RPP30: variants seen among roughly 807,000 people sequenced by gnomAD.
RPP30 encodes ribonuclease P/MRP subunit p30.
A neutral mutation model predicts 38.6 loss-of-function variants in RPP30; 36 were observed. The ratio of observed to expected loss-of-function variants is 0.93; its 90% CI spans 0.71 to 1.23. RPP30 has a LOEUF of 1.23. Ranked by LOEUF, RPP30 falls within the 50% of genes most tolerant of loss-of-function variation. The pLI is 0.00. For synonymous variants in RPP30, 126 were observed against 112.7 expected, an observed-to-expected ratio of 1.12 and a Z score of -0.75; for missense variants, 321 against 321.7, an observed-to-expected ratio of 1.00 and a Z score of 0.02.
intron 6 of RPP30, among the ~76,000 whole-genome samples, chr10:90,889,835 A>G (rs949939623): frequency 2.6e-5 from 4 of 152,076 alleles, no homozygotes; most frequent in South Asian, 2.1e-4. Flanking sequence ...CATAATTTCA[A>G]TTATGCAATT....
At chr10:90,873,467 C>G (rs970047083) in intron 1 of RPP30, among the ~76,000 whole-genome samples, 2 of 152,146 alleles carry the variant, frequency 1.3e-5, no homozygotes, top group Non-Finnish European at 2.9e-5. Context: ...AAAGACAGAG[C>G]CCTGGTTCTC....
At chr10:90,875,715 G>A in intron 3 of RPP30, 101 bp downstream of exon 3, 2 of 984,814 alleles carry the variant, frequency 2.0e-6, no homozygotes, top group Non-Finnish European at 3.2e-6. Context: ...CTTACTCTGA[G>A]TACCAGTCTT....
At chr10:90,892,694 A>G (rs1031305146) in intron 6 of RPP30, among the ~76,000 whole-genome samples, 3 of 152,236 alleles carry the variant, frequency 2.0e-5, no homozygotes, top group Admixed American at 6.5e-5. Flanking sequence ...GAAAAGAAAT[A>G]CAGGTCAGCC....
At chr10:90,881,185 A>G (rs561817932) in intron 5 of RPP30, among the ~76,000 whole-genome samples, 1 of 152,232 alleles carries the variant, frequency 6.6e-6, no homozygotes, top group African/African-American at 2.4e-5. Context: ...ATACATTTGT[A>G]AAACCTTTCA....
At chr10:90,895,850 C>T (rs1847133352) in intron 8 of RPP30, 30 bp from the exon 9 acceptor site, 5 of 1,508,482 alleles carry the variant, frequency 3.3e-6, no homozygotes, top group Non-Finnish European at 4.5e-6. Context: ...ATAATTTTCT[C>T]ATATCTACTC....
chr10:90,895,902 A>G lies in RPP30; in HGVS notation c.602A>G (p.Tyr201Cys). ...CAGCCTTTAGAAATAAGAGGGCCATATGACGTGGCAAATCTGTATCCTTTT... is the reference window on the plus strand; with the variant it reads ...CAGCCTTTAGAAATAAGAGGGCCATGTGACGTGGCAAATCTGTATCCTTTT... ...AERPLEIRGP[Y>C]DVANLGLLFG... Residue 201 changes from tyrosine (Y) to cysteine (C), a missense_variant, in exon 9 of 11, where the codon TAT becomes TGT. Coordinates refer to ENST00000371703, the MANE Select transcript of RPP30 (RefSeq NM_006413.5). 6.3e-7 allele frequency: 1 copy of G among 1,599,768 alleles called. No individual in the cohort carries two copies.
Position 90,894,892 on chromosome 10 carries a change from G to C in RPP30, c.549+1G>C. On this transcript the variant is annotated splice_donor_variant, in intron 7 of 10. Coordinates refer to ENST00000371703, the MANE Select transcript of RPP30 (RefSeq NM_006413.5). LOFTEE classifies it high-confidence loss of function. The stretch of plus-strand genomic sequence containing the variant: ...TTTGATGCAAATCTGCAAAGGAAAG[G>C]TATGGTTCTATAATTTTAGGATGTT... The C allele has an allele frequency of 6.3e-7, 1 of 1,582,538 alleles. No individual in the cohort carries two copies. The highest frequency in any genetic ancestry group is 8.7e-7 in the Non-Finnish European group (1 of 1,151,518).
intron 5 of RPP30, among the ~76,000 whole-genome samples, chr10:90,879,391 C>G (rs1846894879): frequency 6.6e-6 from 1 of 152,080 alleles, no homozygotes; most frequent in African/African-American, 2.4e-5. Context: ...TTCTTTATCT[C>G]TGCTTCATTC....
intron 7 of RPP30, 50 bp from the exon 8 acceptor site, chr10:90,895,404 C>CT (rs958141936): frequency 1.8e-6 from 2 of 1,115,576 alleles, no homozygotes; most frequent in African/African-American, 1.7e-5. Flanking sequence ...TATGAAACTC[C>CT]TTTTTTTACA....
At chr10:90,877,292 G>C (rs768848826) in intron 4 of RPP30, among the ~76,000 whole-genome samples, 10 of 151,872 alleles carry the variant, frequency 6.6e-5, no homozygotes, top group Admixed American at 2.6e-4. Flanking sequence ...GCGCAACAGA[G>C]CCAGACTTCA....
chr10:90,898,611 C>A (rs1838739042), intron 10 of RPP30, among the ~76,000 whole-genome samples: 1 of 152,094 alleles, frequency 6.6e-6, no homozygotes, highest in Non-Finnish European at 1.5e-5. Flanking sequence ...TCTACTCAGT[C>A]CTTAAAGGGT....
At position 90,901,285 on chromosome 10, in the gene RPP30, A is replaced by G; in HGVS notation, c.*606A>G. On this transcript the variant is annotated 3_prime_UTR_variant, in exon 11 of 11. Transcript: ENST00000371703. ...TACATGAGCCACCACATGCAGCCAG[A>G]TGTTTGAATATTTTAAGAGCTTCTT... 1 of 984,978 alleles carries G rather than the reference A, an allele frequency of 1.0e-6. No homozygotes were observed. The highest frequency in any genetic ancestry group is 1.2e-6 in the Non-Finnish European group (1 of 829,686). 61.0% of individuals were successfully genotyped at this position (984,978 alleles called of 1,614,324 possible).
At chr10:90,892,809 G>A (rs1347327667) in intron 6 of RPP30, among the ~76,000 whole-genome samples, 1 of 152,190 alleles carries the variant, frequency 6.6e-6, no homozygotes, top group East Asian at 1.9e-4. Flanking sequence ...GGTTAGCCAG[G>A]TGCACCGAGG....
At chr10:90,887,861 G>A (rs182500499) in intron 6 of RPP30, among the ~76,000 whole-genome samples, 2 of 152,300 alleles carry the variant, frequency 1.3e-5, no homozygotes, top group East Asian at 3.9e-4. Flanking sequence ...GTCAAATGTG[G>A]GGAAATGAAA....
intron 6 of RPP30, among the ~76,000 whole-genome samples, chr10:90,887,408 G>A (rs553303804): frequency 9.5e-5 from 14 of 147,184 alleles, no homozygotes; most frequent in South Asian, 4.3e-4. Context: ...TTTTTGAGAC[G>A]GAGTCTTGCT....
Position 90,872,015 on chromosome 10 carries a change from G to A in RPP30, c.29G>A (p.Arg10Gln), listed in dbSNP as rs1422966852. Residue 10 changes from arginine (R) to glutamine (Q), a missense_variant, in exon 1 of 11, where the codon CGA becomes CAA. Physicochemically the swap from Arg to Gln is conservative, Grantham distance 43. Coordinates refer to ENST00000371703, the MANE Select transcript of RPP30 (RefSeq NM_006413.5). MAVFADLDL[R>Q]AGSDLKALRG... Reference sequence around the variant, plus strand: ...GCGGTGTTTGCAGATTTGGACCTGCGAGCGGGTTCTGACCTGAAGGCTCTG... The same window carrying A: ...GCGGTGTTTGCAGATTTGGACCTGCAAGCGGGTTCTGACCTGAAGGCTCTG... 1 of 1,614,026 alleles carries A rather than the reference G, an allele frequency of 6.2e-7. No individual in the cohort carries two copies. The highest frequency in any genetic ancestry group is 1.3e-5 in the African/African-American group (1 of 74,918).
intron 5 of RPP30, among the ~76,000 whole-genome samples, chr10:90,879,841 G>A (rs1471096173): frequency 6.6e-6 from 1 of 152,172 alleles, no homozygotes; most frequent in African/African-American, 2.4e-5. Context: ...ATTTTACTGT[G>A]TAAAATGAGG....
chr10:90,875,666 G>C (rs377631821), intron 3 of RPP30, 52 bp downstream of exon 3: 4 of 1,464,222 alleles, frequency 2.7e-6, no homozygotes, highest in Middle Eastern at 1.7e-4. Context: ...CAGTTAAAAG[G>C]TACCTAATTA....
At chr10:90,893,851 C>T (rs1173769006) in intron 6 of RPP30, among the ~76,000 whole-genome samples, 1 of 152,230 alleles carries the variant, frequency 6.6e-6, no homozygotes, top group Non-Finnish European at 1.5e-5. Context: ...ACCATCTCAG[C>T]TTTTGCACGT....
Sources: allele counts gnomAD v4.1 joint callset (sites outside exome capture counted in the v4.1 genomes callset), GRCh38; gene constraint gnomAD v4.1.1; transcripts MANE v1.5; gene names NCBI Gene and HGNC (gene_info 2026-07-23, HGNC 2026-07-21).